Variants in GALNT13 observed in about 807,000 individuals in gnomAD.
GALNT13 encodes polypeptide N-acetylgalactosaminyltransferase 13.
A neutral mutation model predicts 64.2 loss-of-function variants in GALNT13; 28 were observed. That is an observed-to-expected ratio of 0.44 (90% CI 0.32 to 0.60). The LOEUF is 0.60. Among genes scored for constraint, GALNT13 ranks in the 20% least tolerant of loss-of-function variants. The pLI, the probability that GALNT13 is intolerant of heterozygous loss-of-function variation, is 0.05. For synonymous variants in GALNT13, 214 were observed against 224.6 expected, an observed-to-expected ratio of 0.95 and a Z score of 0.42; for missense variants, 577 against 669.8, an observed-to-expected ratio of 0.86 and a Z score of 1.53.
the GALNT13 span, among the ~76,000 whole-genome samples, chr2:153,437,809 G>T: frequency 6.6e-6 from 1 of 152,112 alleles, no homozygotes; most frequent in Non-Finnish European, 1.5e-5. Flanking sequence ...TTTAATTGGA[G>T]CATTTAGCCC....
the GALNT13 span, among the ~76,000 whole-genome samples, chr2:153,576,507 G>A: frequency 6.6e-6 from 1 of 152,170 alleles, no homozygotes; most frequent in African/African-American, 2.4e-5. Flanking sequence ...GGTTAGTTTG[G>A]TCTGGTTTTC....
chr2:154,167,432 C>G (rs1685093713), intron 4 of GALNT13, among the ~76,000 whole-genome samples: 1 of 152,124 alleles, frequency 6.6e-6, no homozygotes, highest in Non-Finnish European at 1.5e-5. Flanking sequence ...GTTGATTAAG[C>G]AACTTTCAGA....
At chr2:153,140,341 G>T in the GALNT13 span, among the ~76,000 whole-genome samples, 3 of 152,012 alleles carry the variant, frequency 2.0e-5, no homozygotes, top group African/African-American at 7.2e-5. Flanking sequence ...CAGGTCTTGA[G>T]ATGACCTTGG....
At chr2:153,249,581 CA>C in the GALNT13 span, among the ~76,000 whole-genome samples, 1 of 152,002 alleles carries the variant, frequency 6.6e-6, no homozygotes, top group Non-Finnish European at 1.5e-5. Context: ...CAATGTTAAG[CA>C]AAAAGAACAA....
the GALNT13 span, among the ~76,000 whole-genome samples, chr2:153,556,605 T>G: frequency 3.3e-5 from 5 of 152,224 alleles, no homozygotes; most frequent in East Asian, 9.6e-4. Context: ...TATCTTCTTT[T>G]TCAAGCCATA....
At chr2:153,351,715 T>C in the GALNT13 span, among the ~76,000 whole-genome samples, 1 of 152,238 alleles carries the variant, frequency 6.6e-6, no homozygotes, top group Non-Finnish European at 1.5e-5. Context: ...ACACAGTATG[T>C]AGCGTTTTTC....
rs1701938493 is a variant in GALNT13, at chr2:154,453,217, C to G, written c.*2666C>G. ...TCTCAGTACAACAGCCATAGTGATT[C>G]TGTTAACCATGAATTTGATTGTGTC... On this transcript the variant is annotated 3_prime_UTR_variant, in exon 13 of 13. Transcript: ENST00000392825. The G allele has an allele frequency of 6.6e-6, 1 of 152,146 alleles. No individual in the cohort carries two copies. The highest frequency in any genetic ancestry group is 1.5e-5 in the Non-Finnish European group (1 of 68,026). 9.4% of individuals were successfully genotyped at this position (152,146 alleles called of 1,614,324 possible). A position where few individuals can be genotyped will look rare whatever the true frequency, so the allele number is the denominator to read the frequency against.
At chr2:153,872,739 G>A (rs1046624858) in intron 1 of GALNT13, among the ~76,000 whole-genome samples, 1 of 151,842 alleles carries the variant, frequency 6.6e-6, no homozygotes, top group Non-Finnish European at 1.5e-5. Context: ...AGCCCCGGCT[G>A]CGTTGCGGGC....
chr2:154,084,969 G>T (rs1227049770), intron 3 of GALNT13, among the ~76,000 whole-genome samples: 1 of 151,618 alleles, frequency 6.6e-6, no homozygotes. Context: ...TAATTTCAAG[G>T]TCATCCTTAG....
At chr2:154,321,219 A>C (rs755329792) in intron 9 of GALNT13, among the ~76,000 whole-genome samples, 32 of 152,114 alleles carry the variant, frequency 2.1e-4, no homozygotes, top group Non-Finnish European at 3.4e-4. Context: ...CAGCCTGGCT[A>C]CATCATGATG....
chr2:153,821,277 A>G, the GALNT13 span, among the ~76,000 whole-genome samples: 6 of 152,162 alleles, frequency 3.9e-5, no homozygotes, highest in Non-Finnish European at 5.9e-5. Flanking sequence ...CCCATTAACC[A>G]CAGAATATAC....
At chr2:154,283,938 G>C (rs1692109074) in intron 8 of GALNT13, among the ~76,000 whole-genome samples, 1 of 152,158 alleles carries the variant, frequency 6.6e-6, no homozygotes, top group Admixed American at 6.6e-5. Context: ...GCCTGATAGG[G>C]AGGACATAAT....
At chr2:153,619,732 G>T in the GALNT13 span, among the ~76,000 whole-genome samples, 2 of 152,092 alleles carry the variant, frequency 1.3e-5, no homozygotes, top group African/African-American at 4.8e-5. Context: ...TAAGGTAGAA[G>T]TCTTTTTTCT....
intron 4 of GALNT13, among the ~76,000 whole-genome samples, chr2:154,154,859 A>AG: frequency 6.6e-6 from 1 of 151,914 alleles, no homozygotes. Context: ...ACTAGATATA[A>AG]GGGAAGTCAA....
chr2:154,005,708 C>T (rs975779790), intron 3 of GALNT13, among the ~76,000 whole-genome samples: 9 of 149,710 alleles, frequency 6.0e-5, no homozygotes, highest in African/African-American at 1.9e-4. Context: ...TTAAATACTT[C>T]GATTTATTTT....
At chr2:154,175,528 G>C (rs1685596791) in intron 4 of GALNT13, among the ~76,000 whole-genome samples, 2 of 152,130 alleles carry the variant, frequency 1.3e-5, no homozygotes, top group African/African-American at 2.4e-5. Flanking sequence ...GGGATTCTTA[G>C]TGCTAATTTG....
chr2:153,376,140 C>G, the GALNT13 span, among the ~76,000 whole-genome samples: 1 of 152,248 alleles, frequency 6.6e-6, no homozygotes, highest in East Asian at 1.9e-4. Context: ...TAAATTTCAA[C>G]AAGAGCTTTG....
chr2:154,156,038 A>G (rs1396184857), intron 4 of GALNT13, among the ~76,000 whole-genome samples: 1 of 149,380 alleles, frequency 6.7e-6, no homozygotes, highest in African/African-American at 2.6e-5. Context: ...AACATAAAGC[A>G]TTCTTTCTAT....
the GALNT13 span, among the ~76,000 whole-genome samples, chr2:153,749,706 A>G: frequency 6.6e-6 from 1 of 151,832 alleles, no homozygotes; most frequent in African/African-American, 2.4e-5. Flanking sequence ...AACTTTGGCG[A>G]GTTTTTCAAT....
Sources: allele counts gnomAD v4.1 joint callset (sites outside exome capture counted in the v4.1 genomes callset), GRCh38; gene constraint gnomAD v4.1.1; transcripts MANE v1.5; gene names NCBI Gene and HGNC (gene_info 2026-07-23, HGNC 2026-07-21).